Variants in BRD2 observed in about 807,000 individuals in gnomAD.
BRD2 encodes the protein bromodomain-containing protein 2.
Under a neutral mutation model 79.1 loss-of-function variants are expected in BRD2, and 15 were observed. That is an observed-to-expected ratio of 0.19 (90% confidence interval 0.13 to 0.29). The LOEUF (loss-of-function observed/expected upper bound fraction) is 0.29. Ranked by LOEUF, BRD2 falls within the 10% of genes least tolerant of loss-of-function variation. The pLI is 1.00. For missense variants in BRD2, 1,053 were observed against 991.3 expected, an observed-to-expected ratio of 1.06 and a Z score of -0.84; for synonymous variants, 488 against 358.6, an observed-to-expected ratio of 1.36 and a Z score of -4.08.
In BRD2 at chr6:32,975,075, CT is replaced by C. The variant is rs1192707755; in HGVS notation, c.334-306del. ...GGTGGCCAAAATTCTTAGCTTCTTC[CT>C]TTCCCTCATGCAGCCCATGGATAGC... is the stretch of plus-strand genomic sequence containing the variant. On this transcript the variant is annotated intron_variant, in intron 3 of 12. Coordinates refer to ENST00000374825, the MANE Select transcript of BRD2 (RefSeq NM_005104.4). 6 of 1,516,702 alleles carry C rather than the reference CT, an allele frequency of 4.0e-6. No individual in the cohort carries two copies. The African/African-American group carries it at 8.2e-5, about 21-fold the overall frequency. 94.0% of individuals were successfully genotyped at this position (1,516,702 alleles called of 1,614,324 possible).
chr6:32,977,407 G>A (rs1459506363), intron 7 of BRD2, 35 bp from the exon 8 acceptor site: 2 of 1,613,346 alleles, frequency 1.2e-6, no homozygotes, highest in East Asian at 2.2e-5. Context: ...GAGTCTTCCT[G>A]CCTGTGCAGC....
rs1554147426 is a variant in BRD2 at position 32,979,051 on chromosome 6, T to TTTG, written c.1841+665_1841+666insGTT. 6.5e-3 allele frequency: 790 copies of TTTG among 122,048 alleles called. 14 individuals carry two copies. Among genetic ancestry groups the TTTG allele is most frequent in the African/African-American group, 0.021 (716 of 34,336 alleles). The allele number at this position is 122,048 out of a possible 1,614,324, so 7.6% of individuals were successfully genotyped here. A position where few individuals can be genotyped will look rare whatever the true frequency, so the allele number is the denominator to read the frequency against. On this transcript the variant is annotated intron_variant, in intron 10 of 12. Coordinates refer to ENST00000374825, the MANE Select transcript of BRD2 (RefSeq NM_005104.4). ...TTTGGTGTGGTTTTGTGTTTTGTTT[T>TTTG]TTTTTGTTAGTTTGTTTTTTGTTTT...
rs552573999 is a variant in BRD2, at chr6:32,981,024, C to A, written c.*306C>A. 335 of 395,540 alleles carry A rather than the reference C, an allele frequency of 8.5e-4. 1 individual carries two copies. Among genetic ancestry groups the A allele is most frequent in the Admixed American group, 3.7e-3 (101 of 27,022 alleles). The allele number at this position is 395,540 out of a possible 1,614,324, so 24.5% of individuals were successfully genotyped here. ...AGCCCTGATCTGGAGTTACCTGAGGCCACAGCTGCCCTATTCACTTCTAAG... is the reference window on the plus strand; with the variant it reads ...AGCCCTGATCTGGAGTTACCTGAGGACACAGCTGCCCTATTCACTTCTAAG... On this transcript the variant is annotated 3_prime_UTR_variant, in exon 13 of 13. Transcript: ENST00000374825.
chr6:32,976,722 A>G lies in BRD2; in HGVS notation c.986A>G (p.Lys329Arg). The G allele has an allele frequency of 6.2e-7, 1 of 1,613,258 alleles. No individual in the cohort carries two copies. Among genetic ancestry groups the G allele is most frequent in the Non-Finnish European group, 8.5e-7 (1 of 1,180,022 alleles). ...ESGRPIKPPR[K>R]DLPDSQQQHQ... ...GGTCGCCCCATCAAGCCCCCACGCA[A>G]AGACTTGCCTGACTCTCAGCAACAA... Residue 329 changes from lysine to arginine, a missense_variant, in exon 7 of 13, where the codon AAA becomes AGA. Around this residue, in one of 5 missense-constraint regions of BRD2, gnomAD observed 454 missense variants for 430.5 expected, o/e 1.05. Transcript: ENST00000374825.
chr6:32,974,209 A>G (rs183821561), intron 2 of BRD2, among the ~76,000 whole-genome samples: 5 of 152,282 alleles, frequency 3.3e-5, no homozygotes, highest in Non-Finnish European at 7.4e-5. Flanking sequence ...TAAAATATGA[A>G]AAAGAACAGA....
intron 3 of BRD2, 163 bp downstream of exon 3, chr6:32,974,928 T>C: frequency 7.1e-7 from 1 of 1,401,968 alleles, no homozygotes. Context: ...CCTTTGTGAT[T>C]GATCCGACCG....
At chr6:32,972,970 G>A in intron 2 of BRD2, 43 bp downstream of exon 2, 3 of 1,614,028 alleles carry the variant, frequency 1.9e-6, no homozygotes, top group Non-Finnish European at 2.5e-6. Flanking sequence ...ATGTTGCAGG[G>A]CGGCGGCACA....
chr6:32,972,194 C>A lies in BRD2; in HGVS notation c.-705C>A. 1 of 550,468 alleles carries A rather than the reference C, an allele frequency of 1.8e-6. No homozygotes were observed. 34.1% of individuals were successfully genotyped at this position (550,468 alleles called of 1,614,324 possible). ...TATAAAGGGCTGGCGCGGGGCTCGGCGGCGCCATTTCGTGCTGGAGTGGAG... is the reference window on the plus strand; with the variant it reads ...TATAAAGGGCTGGCGCGGGGCTCGGAGGCGCCATTTCGTGCTGGAGTGGAG... On this transcript the variant is annotated 5_prime_UTR_variant, in exon 2 of 13. Transcript: ENST00000374825.
In BRD2 at chr6:32,976,852, C is replaced by T. The variant is rs1414641553; in HGVS notation, c.1116C>T (p.Phe372=). 21 of 1,613,182 alleles carry T rather than the reference C, an allele frequency of 1.3e-5. No homozygotes were observed. Among genetic ancestry groups the T allele is most frequent in the East Asian group, 2.2e-5 (1 of 44,894 alleles). ...AGCATGCTGCCTATGCTTGGCCTTT[C>T]TATAAACCAGTGGATGCTTCTGCAC... ...SKKHAAYAWP[F]YKPVDASALG... is the part of the protein sequence containing the mutation. Residue 372 remains phenylalanine, a synonymous_variant, in exon 7 of 13, where the codon TTC becomes TTT. Transcript: ENST00000374825.
intron 7 of BRD2, chr6:32,977,150 AC>A: frequency 7.7e-7 from 1 of 1,300,838 alleles, no homozygotes; most frequent in Middle Eastern, 1.9e-4. Flanking sequence ...TGAGAAAAAT[AC>A]TGTCTATAAT....
chr6:32,978,441 G>T, intron 10 of BRD2, 53 bp downstream of exon 10: 1 of 1,578,660 alleles, frequency 6.3e-7, no homozygotes, highest in Non-Finnish European at 8.6e-7. Context: ...TCTCTCTGGG[G>T]GATGCCATCT....
In BRD2 at chr6:32,972,921, A is replaced by G. The variant is rs201319601; in HGVS notation, c.23A>G (p.His8Arg). The change falls in exon 2 of 13, where the codon CAC becomes CGC. Residue 8 changes from histidine (H) to arginine (R), a missense_variant. Physicochemically the swap from His to Arg is conservative, Grantham distance 29. Around this residue, in one of 5 missense-constraint regions of BRD2, gnomAD observed 413 missense variants for 335.1 expected, o/e 1.23. Coordinates refer to ENST00000374825, the MANE Select transcript of BRD2 (RefSeq NM_005104.4). ...AAGATGCTGCAAAACGTGACTCCCC[A>G]CAATAAGTACGTTTCCGCGAGCCGC... MLQNVTP[H>R]NKLPGEGNAG... is the part of the protein sequence containing the mutation. 1.2e-6 allele frequency: 2 copies of G among 1,613,970 alleles called. No individual in the cohort carries two copies. Among genetic ancestry groups the G allele is most frequent in the Non-Finnish European group, 1.7e-6 (2 of 1,179,928 alleles).
intron 12 of BRD2, 57 bp downstream of exon 12, chr6:32,980,521 CTT>C (rs1582933766): frequency 6.2e-7 from 1 of 1,612,362 alleles, no homozygotes. Context: ...TCTTGACTGT[CTT>C]TTATTGACAA....
intron 4 of BRD2, 132 bp from the exon 5 acceptor site, chr6:32,975,899 A>T: frequency 9.0e-7 from 1 of 1,108,820 alleles, no homozygotes; most frequent in African/African-American, 1.6e-5. Context: ...ATTTTCTTTA[A>T]GATTTGATGA....
intron 3 of BRD2, 130 bp downstream of exon 3, chr6:32,974,895 A>G (rs572307795): frequency 1.4e-6 from 2 of 1,393,616 alleles, no homozygotes; most frequent in South Asian, 2.6e-5. Context: ...GCAGTTAGCT[A>G]CCAGATTTCT....
chr6:32,978,550 A>C, intron 10 of BRD2, 162 bp downstream of exon 10: 2 of 1,230,696 alleles, frequency 1.6e-6, no homozygotes, highest in South Asian at 3.0e-5. Flanking sequence ...GTTTCGTGGA[A>C]GACAGATTTT....
chr6:32,975,904 T>G, intron 4 of BRD2, 127 bp from the exon 5 acceptor site: 1 of 1,134,016 alleles, frequency 8.8e-7, no homozygotes, highest in East Asian at 2.6e-5. Context: ...CTTTAAGATT[T>G]GATGACAAGA....
rs749410986 is a variant in BRD2, at chr6:32,976,894, C to T, written c.1158C>T (p.Tyr386=). 11 of 1,612,968 alleles carry T rather than the reference C, an allele frequency of 6.8e-6. No homozygotes were observed. Among genetic ancestry groups the T allele is most frequent in the African/African-American group, 5.3e-5 (4 of 75,060 alleles). The change falls in exon 7 of 13, where the codon TAC becomes TAT. Residue 386 remains tyrosine (Y), a synonymous_variant. Coordinates refer to ENST00000374825, the MANE Select transcript of BRD2 (RefSeq NM_005104.4). ...CTTCTGCACTTGGCCTGCATGACTA[C>T]CATGACATCATTAAGCACCCCATGG... is the stretch of plus-strand genomic sequence containing the variant. The part of the protein sequence containing the change: ...VDASALGLHD[Y]HDIIKHPMDL...
Position 32,980,648 on chromosome 6 carries a change from C to G in BRD2, c.2336C>G (p.Ser779Cys). 6.2e-7 allele frequency: 1 copy of G among 1,613,164 alleles called. No individual in the cohort carries two copies. The highest frequency in any genetic ancestry group is 2.2e-5 in the East Asian group (1 of 44,894). The change falls in exon 13 of 13, where the codon TCC (serine) becomes TGC (cysteine). Residue 779 changes from serine to cysteine, a missense_variant. Around this residue, in one of 5 missense-constraint regions of BRD2, gnomAD observed 139 missense variants for 133.2 expected, o/e 1.04. Transcript: ENST00000374825. ...GTGTCACGCCTTAGCGCTTCCAGCT[C>G]CAGCTCAGATTCCAGCTCCTCCTCT... ...VAVSRLSASS[S>C]SSDSSSSSSS...
Sources: gnomAD v4.1 joint callset for allele counts (sites outside exome capture counted in the v4.1 genomes callset) on GRCh38, gnomAD v4.1.1 for gene constraint, gnomAD v4.1.1 regional missense constraint, MANE v1.5 for transcripts, NCBI Gene and HGNC (gene_info 2026-07-23, HGNC 2026-07-21) for gene names.